The following ASB15 variants were observed in gnomAD, a reference collection of about 807,000 sequenced individuals.
ASB15 encodes the protein ankyrin repeat and SOCS box protein 15.
ASB15 carries 54 observed loss-of-function variants against 58.0 expected under a neutral mutation model. The ratio of observed to expected loss-of-function variants is 0.93; its 90% CI spans 0.75 to 1.17. The LOEUF is 1.17. ASB15 is among the 50% of genes most tolerant of loss of function. The pLI, the probability that ASB15 is intolerant of heterozygous loss-of-function variation, is 0.00. For synonymous variants in ASB15, 249 were observed against 262.4 expected (o/e 0.95, Z 0.50); for missense variants, 680 against 707.4 (o/e 0.96, Z 0.44).
At chr7:123,625,682 T>C (rs190184411) in intron 8 of ASB15, among the ~76,000 whole-genome samples, 23 of 152,280 alleles carry the variant, frequency 1.5e-4, no homozygotes, top group Admixed American at 1.5e-3. Context: ...CCTCCAGGTG[T>C]TTTATACAAC....
At chr7:123,605,960 A>G (rs1051614609) in intron 2 of ASB15, among the ~76,000 whole-genome samples, 1 of 152,198 alleles carries the variant, frequency 6.6e-6, no homozygotes, top group Non-Finnish European at 1.5e-5. Context: ...CAATTTACCT[A>G]TATAACAAAC....
intron 7 of ASB15, among the ~76,000 whole-genome samples, chr7:123,621,898 G>A (rs531139115): frequency 6.6e-6 from 1 of 152,326 alleles, no homozygotes; most frequent in Admixed American, 6.5e-5. Flanking sequence ...CCTGGCCAGT[G>A]GAGCCCAGAG....
chr7:123,626,840 T>C (rs1801821200), intron 8 of ASB15, among the ~76,000 whole-genome samples: 1 of 152,140 alleles, frequency 6.6e-6, no homozygotes, highest in South Asian at 2.1e-4. Context: ...CAGGTTCAAA[T>C]GATTCTCCTG....
chr7:123,628,695 CTAAA>C (rs1156855839), intron 9 of ASB15, among the ~76,000 whole-genome samples, 165 bp from the exon 10 acceptor site: 7 of 152,080 alleles, frequency 4.6e-5, no homozygotes, highest in Non-Finnish European at 1.0e-4. Flanking sequence ...TTACACTAAA[CTAAA>C]TAGTTGTACC....
intron 2 of ASB15, among the ~76,000 whole-genome samples, 154 bp from the exon 3 acceptor site, chr7:123,608,440 G>A (rs1003372075): frequency 2.0e-5 from 3 of 152,014 alleles, no homozygotes; most frequent in Non-Finnish European, 2.9e-5. Context: ...CTAAAATGTT[G>A]AGTTGTGTTT....
chr7:123,633,614 A>AGTGT (rs78550048), intron 11 of ASB15, among the ~76,000 whole-genome samples: 2,351 of 150,690 alleles, frequency 0.016, 28 homozygotes, highest in African/African-American at 0.023. Flanking sequence ...GATTATGCTG[A>AGTGT]GTGTGTGTGT....
At position 123,627,378 on chromosome 7, in the gene ASB15, A is replaced by G. The variant is rs934333756; in HGVS notation, c.869+97A>G. 3.1e-6 allele frequency: 3 copies of G among 961,502 alleles called. No homozygotes were observed. The African/African-American group carries it at 5.0e-5, about 16-fold the overall frequency. 59.6% of individuals were successfully genotyped at this position (961,502 alleles called of 1,614,324 possible). ...CTATATGTAATACCTTTCAAAATCC[A>G]AGGAGAAATAGGCATAATCTTCAGG... On this transcript the variant is annotated intron_variant, in intron 9 of 11. Transcript: ENST00000451215.
At position 123,617,565 on chromosome 7, in the gene ASB15, C is replaced by G; in HGVS notation, c.293-14C>G. On this transcript the variant is annotated splice_polypyrimidine_tract_variant and intron_variant, in intron 6 of 11. Coordinates refer to ENST00000451215, the MANE Select transcript of ASB15 (RefSeq NM_001290258.2). ...GTATTTTCAACTTTTCAACATAATG[C>G]TTTCATGTCACAGCATCCTATAAGA... The G allele has an allele frequency of 6.3e-7, 1 of 1,596,110 alleles. No homozygotes were observed. Among genetic ancestry groups the G allele is most frequent in the Non-Finnish European group, 8.6e-7 (1 of 1,166,324 alleles).
chr7:123,629,513 G>A, intron 10 of ASB15, 79 bp downstream of exon 10: 1 of 1,288,748 alleles, frequency 7.8e-7, no homozygotes, highest in South Asian at 1.5e-5. Context: ...GATGTTACAA[G>A]AAAAGAAAAA....
intron 1 of ASB15, among the ~76,000 whole-genome samples, chr7:123,570,172 C>A (rs1176557801): frequency 4.0e-5 from 6 of 151,528 alleles, no homozygotes; most frequent in Non-Finnish European, 1.5e-5. Flanking sequence ...GTAGCTGGGA[C>A]CACAGGCGCC....
Position 123,636,915 on chromosome 7 carries a change from A to G in ASB15, c.1701A>G (p.Pro567=), listed in dbSNP as rs1310131122. ...PASVEKLPLP[P]AIQRYILFKE... is the part of the protein sequence containing the mutation. ...CAGTGGAGAAGCTTCCTCTACCACC[A>G]GCTATTCAAAGATACATATTATTTA... The change falls in exon 12 of 12, where the codon CCA becomes CCG. Residue 567 remains proline, a synonymous_variant. Transcript: ENST00000451215. 1.8e-5 allele frequency: 28 copies of G among 1,589,062 alleles called. No individual in the cohort carries two copies. The Admixed American group carries it at 4.7e-4, about 27-fold the overall frequency.
At chr7:123,630,743 C>CA (rs1332523846) in intron 11 of ASB15, among the ~76,000 whole-genome samples, 1 of 152,076 alleles carries the variant, frequency 6.6e-6, no homozygotes, top group African/African-American at 2.4e-5. Flanking sequence ...CTTTCACTTT[C>CA]AAAATATAAG....
intron 11 of ASB15, among the ~76,000 whole-genome samples, chr7:123,635,933 A>G (rs1802405497): frequency 6.6e-6 from 1 of 152,192 alleles, no homozygotes; most frequent in Non-Finnish European, 1.5e-5. Flanking sequence ...AGATGTGATC[A>G]TGTTTATTAT....
At chr7:123,607,384 G>A (rs141831121) in intron 2 of ASB15, among the ~76,000 whole-genome samples, 134 of 152,120 alleles carry the variant, frequency 8.8e-4, no homozygotes, top group African/African-American at 3.0e-3. Context: ...CCTATTTTGG[G>A]ACATTTATGT....
intron 7 of ASB15, among the ~76,000 whole-genome samples, chr7:123,618,694 G>T (rs1404148945): frequency 1.3e-5 from 2 of 151,942 alleles, no homozygotes; most frequent in East Asian, 3.9e-4. Context: ...AGACGTTAAA[G>T]GTCATAACTA....
At chr7:123,596,170 G>GA (rs981813078) in intron 1 of ASB15, among the ~76,000 whole-genome samples, 2 of 76,458 alleles carry the variant, frequency 2.6e-5, no homozygotes, top group African/African-American at 4.9e-5. Flanking sequence ...TCTTATATTG[G>GA]AAAAAAAAAT....
intron 1 of ASB15, among the ~76,000 whole-genome samples, chr7:123,579,067 T>C (rs1799151729): frequency 6.6e-6 from 1 of 151,964 alleles, no homozygotes; most frequent in Non-Finnish European, 1.5e-5. Flanking sequence ...GCTCCCTCCT[T>C]CCTCCCTTTT....
At chr7:123,634,667 A>G (rs1008682723) in intron 11 of ASB15, among the ~76,000 whole-genome samples, 4 of 152,232 alleles carry the variant, frequency 2.6e-5, no homozygotes, top group African/African-American at 9.6e-5. Flanking sequence ...ATATATGTAT[A>G]TGTATAAACT....
chr7:123,633,142 A>G (rs989688145), intron 11 of ASB15, among the ~76,000 whole-genome samples: 1 of 152,196 alleles, frequency 6.6e-6, no homozygotes, highest in Admixed American at 6.5e-5. Flanking sequence ...GATTAGCGAG[A>G]TATCACCATG....
Sources: gnomAD v4.1 joint callset for allele counts (sites outside exome capture counted in the v4.1 genomes callset) on GRCh38, gnomAD v4.1.1 for gene constraint, MANE v1.5 for transcripts, NCBI Gene and HGNC (gene_info 2026-07-23, HGNC 2026-07-21) for gene names.